The following HSP90AA1 variants were observed in gnomAD, a reference collection of about 807,000 sequenced individuals.
HSP90AA1 encodes the protein heat shock protein 90 alpha family class A member 1.
HSP90AA1 carries 18 observed loss-of-function variants against 73.3 expected under a neutral mutation model. The ratio of observed to expected loss-of-function variants is 0.25; its 90% CI spans 0.17 to 0.36. The LOEUF is 0.36. HSP90AA1 is among the 10% of genes least tolerant of loss of function. The probability of loss-of-function intolerance (pLI) is 1.00; values close to 1 mark genes in which losing one functional copy is unlikely to be tolerated. For synonymous variants in HSP90AA1, 477 were observed against 296.9 expected (o/e 1.61, Z -6.24); for missense variants, 704 against 874.2 (o/e 0.81, Z 2.45).
chr14:102,130,836 C>G (rs562888491), intron 1 of HSP90AA1, among the ~76,000 whole-genome samples: 10 of 152,162 alleles, frequency 6.6e-5, no homozygotes, highest in Admixed American at 6.6e-4. Flanking sequence ...CTCAAGTGAT[C>G]CTCCTGCCTG....
chr14:102,139,616 G>A, exon 1 of HSP90AA1: 1 of 653,860 alleles, frequency 1.5e-6, no homozygotes, highest in African/African-American at 1.8e-5. Context: ...GCTGCGGAAC[G>A]GTCAACTAGA....
At chr14:102,123,502 A>G (rs1238325911) in intron 1 of HSP90AA1, among the ~76,000 whole-genome samples, 1 of 151,264 alleles carries the variant, frequency 6.6e-6, no homozygotes, top group Non-Finnish European at 1.5e-5. Flanking sequence ...TCAGAATTTA[A>G]GAGTGCTCTT....
chr14:102,138,524 C>T (rs1175056053), intron 1 of HSP90AA1, among the ~76,000 whole-genome samples: 2 of 150,992 alleles, frequency 1.3e-5, no homozygotes, highest in African/African-American at 4.9e-5. Context: ...TTTTTTCCAA[C>T]ACTACAAAGG....
intron 1 of HSP90AA1, among the ~76,000 whole-genome samples, chr14:102,120,400 T>C (rs112721909): frequency 6.6e-6 from 1 of 152,016 alleles, no homozygotes. Flanking sequence ...ATGGGAGTCA[T>C]TTACATTTAA....
intron 2 of HSP90AA1, among the ~76,000 whole-genome samples, chr14:102,096,511 C>T (rs1165583175): frequency 1.3e-5 from 2 of 152,220 alleles, no homozygotes; most frequent in African/African-American, 4.8e-5. Flanking sequence ...CTTGCGATGC[C>T]CTTCTCCAGG....
At chr14:102,125,579 G>A (rs555938765) in intron 1 of HSP90AA1, among the ~76,000 whole-genome samples, 104 of 152,262 alleles carry the variant, frequency 6.8e-4, no homozygotes, top group African/African-American at 2.4e-3. Flanking sequence ...ACAAGGGGCT[G>A]AATCTCCCCC....
intron 1 of HSP90AA1, among the ~76,000 whole-genome samples, chr14:102,103,179 T>A (rs1305922967): frequency 3.5e-5 from 2 of 56,368 alleles, no homozygotes; most frequent in Non-Finnish European, 6.1e-5. Flanking sequence ...AGACTCAGTC[T>A]CAAAAAAAAA....
rs776932498 is a variant in HSP90AA1, at chr14:102,082,207, A to G, written c.1993T>C (p.Leu665=). ...GACAGGAGCGCAGTTTCATAAAGCA[A>G]GATGACCAGATCCTTCACAGACTTG... ...NDKSVKDLVI[L]LYETALLSSG... Residue 665 remains leucine, a synonymous_variant, in exon 10 of 11, where the codon TTG becomes CTG. Coordinates refer to ENST00000216281, the MANE Select transcript of HSP90AA1 (RefSeq NM_005348.4). 5 of 1,613,936 alleles carry G rather than the reference A, an allele frequency of 3.1e-6. No individual in the cohort carries two copies. The South Asian group carries it at 4.4e-5, about 14-fold the overall frequency.
chr14:102,084,385 CTAT>C lies in HSP90AA1; in HGVS notation c.1147+11_1147+13del. The C allele has an allele frequency of 6.2e-7, 1 of 1,608,820 alleles. No homozygotes were observed. The highest frequency in any genetic ancestry group is 8.5e-7 in the Non-Finnish European group (1 of 1,175,326). On this transcript the variant is annotated intron_variant, in intron 6 of 10. Coordinates refer to ENST00000216281, the MANE Select transcript of HSP90AA1 (RefSeq NM_005348.4). Reference sequence around the variant, plus strand: ...TAATCAGTGACAGTGATTATTTTTCCTATCTATACTTACTCAGATATTCAGGGA... The same window carrying C: ...TAATCAGTGACAGTGATTATTTTTCCCTATACTTACTCAGATATTCAGGGA...
chr14:102,119,678 A>G (rs1057478295), intron 1 of HSP90AA1, among the ~76,000 whole-genome samples: 2 of 152,206 alleles, frequency 1.3e-5, no homozygotes, highest in African/African-American at 2.4e-5. Context: ...CAGTAGAGAC[A>G]GGGTTTCACC....
At chr14:102,139,322 T>G in exon 1 of HSP90AA1, 1 of 1,613,736 alleles carries the variant, frequency 6.2e-7, no homozygotes, top group Non-Finnish European at 8.5e-7. Context: ...GCGCGGGTAT[T>G]CAGCACTCTG....
intron 1 of HSP90AA1, among the ~76,000 whole-genome samples, chr14:102,139,025 C>G (rs565987112): frequency 1.3e-5 from 2 of 152,196 alleles, no homozygotes; most frequent in South Asian, 4.1e-4. Flanking sequence ...ATCAGTGAAT[C>G]CTAAAAAGAT....
intron 1 of HSP90AA1, among the ~76,000 whole-genome samples, chr14:102,126,294 AG>A (rs2152625510): frequency 6.6e-6 from 1 of 152,358 alleles, no homozygotes; most frequent in East Asian, 1.9e-4. Flanking sequence ...ACCATAGCTC[AG>A]TAAGGGGACA....
At chr14:102,138,503 T>C (rs1192911051) in intron 1 of HSP90AA1, among the ~76,000 whole-genome samples, 1 of 3,260 alleles carries the variant, frequency 3.1e-4, no homozygotes, top group Non-Finnish European at 2.6e-3. Flanking sequence ...TTCAGTGCTT[T>C]TTTTTCTTTT....
chr14:102,085,497 C>T, intron 3 of HSP90AA1, 66 bp from the exon 4 acceptor site: 1 of 1,452,840 alleles, frequency 6.9e-7, no homozygotes, highest in Admixed American at 1.7e-5. Flanking sequence ...ATGCCTAACA[C>T]CCTTATAACG....
At chr14:102,115,017 G>A (rs7148161) in intron 1 of HSP90AA1, among the ~76,000 whole-genome samples, 1,907 of 151,892 alleles carry the variant, frequency 0.013, 47 homozygotes, top group African/African-American at 0.044. Flanking sequence ...AGTGGCGGGC[G>A]CCTGTAGTCC....
In HSP90AA1 at chr14:102,083,955, C is replaced by T. The variant is rs1176836504; in HGVS notation, c.1176G>A (p.Glu392=). 1 of 1,613,898 alleles carries T rather than the reference C, an allele frequency of 6.2e-7. No individual in the cohort carries two copies. ...CACGGGATATGTTTAGAGGGAGATC[C>T]TCCGAGTCTACCACCCCTCTAATGA... The part of the protein sequence containing the change: ...LNFIRGVVDS[E]DLPLNISREM... The change falls in exon 7 of 11, where the codon GAG becomes GAA. Residue 392 remains glutamate (E), a synonymous_variant. Transcript: ENST00000216281.
intron 1 of HSP90AA1, among the ~76,000 whole-genome samples, 191 bp downstream of exon 1, chr14:102,086,795 C>A (rs1271726702): frequency 1.3e-5 from 2 of 151,710 alleles, no homozygotes; most frequent in Non-Finnish European, 2.9e-5. Context: ...GGCCGCCCGG[C>A]CCATTCCTGA....
At chr14:102,112,867 G>GT (rs2049658677) in intron 1 of HSP90AA1, among the ~76,000 whole-genome samples, 1 of 152,114 alleles carries the variant, frequency 6.6e-6, no homozygotes. Flanking sequence ...ATTTTCCTAA[G>GT]TTTTTTACAA....
Sources: allele counts gnomAD v4.1 joint callset (sites outside exome capture counted in the v4.1 genomes callset), GRCh38; gene constraint gnomAD v4.1.1; transcripts MANE v1.5; gene names NCBI Gene and HGNC (gene_info 2026-07-23, HGNC 2026-07-21).